TMEM132C: variants seen among roughly 807,000 people sequenced by gnomAD.
The protein encoded by TMEM132C is transmembrane protein 132C, also known as protein phosphatase 1, regulatory subunit 152.
A neutral mutation model predicts 61.4 loss-of-function variants in TMEM132C; 29 were observed. The ratio of observed to expected loss-of-function variants is 0.47; its 90% CI spans 0.35 to 0.64. TMEM132C has a LOEUF of 0.64. Ranked by LOEUF, TMEM132C falls within the 30% of genes least tolerant of loss-of-function variation. The pLI, the probability that TMEM132C is intolerant of heterozygous loss-of-function variation, is 0.00. For synonymous variants in TMEM132C, 656 were observed against 633.1 expected, an observed-to-expected ratio of 1.04 and a Z score of -0.54; for missense variants, 1,408 against 1,476.9, an observed-to-expected ratio of 0.95 and a Z score of 0.76.
chr12:128,467,788 C>T (rs188877182), intron 2 of TMEM132C, among the ~76,000 whole-genome samples: 11 of 152,318 alleles, frequency 7.2e-5, no homozygotes, highest in South Asian at 4.1e-4. Context: ...TCAGCATTCT[C>T]GTTCCCCATC....
chr12:128,327,630 A>T (rs1261676540), intron 1 of TMEM132C, among the ~76,000 whole-genome samples: 1 of 151,926 alleles, frequency 6.6e-6, no homozygotes, highest in Admixed American at 6.6e-5. Context: ...TGATCTGCCC[A>T]CCTCAGGCTC....
intron 3 of TMEM132C, among the ~76,000 whole-genome samples, chr12:128,587,744 G>C (rs1186025314): frequency 6.6e-6 from 1 of 152,144 alleles, no homozygotes. Flanking sequence ...ATTTTATATT[G>C]GCAAGGGAAT....
chr12:128,489,024 C>A (rs1429772389), intron 2 of TMEM132C, among the ~76,000 whole-genome samples: 1 of 152,148 alleles, frequency 6.6e-6, no homozygotes, highest in Non-Finnish European at 1.5e-5. Context: ...CAAGGCTGTT[C>A]CTCCTGGGGT....
intron 4 of TMEM132C, among the ~76,000 whole-genome samples, chr12:128,627,956 TAGGTGC>T (rs1276364016): frequency 5.9e-5 from 9 of 152,304 alleles, no homozygotes; most frequent in South Asian, 2.1e-4. Context: ...GATGTAGGTG[TAGGTGC>T]AGGTGCAGGT....
At chr12:128,351,331 G>T (rs1191126002) in intron 1 of TMEM132C, among the ~76,000 whole-genome samples, 1 of 152,074 alleles carries the variant, frequency 6.6e-6, no homozygotes, top group Non-Finnish European at 1.5e-5. Flanking sequence ...AGTCATCCAG[G>T]TAGAAGGTAA....
chr12:128,387,960 T>C (rs1448582685), intron 1 of TMEM132C, among the ~76,000 whole-genome samples: 1 of 152,220 alleles, frequency 6.6e-6, no homozygotes, highest in Non-Finnish European at 1.5e-5. Flanking sequence ...GGCCGTCACC[T>C]GTGCCCTTCC....
chr12:128,352,394 A>G (rs559124896), intron 1 of TMEM132C, among the ~76,000 whole-genome samples: 1 of 152,304 alleles, frequency 6.6e-6, no homozygotes, highest in Admixed American at 6.5e-5. Flanking sequence ...GGGAACCATG[A>G]CCATGATTCA....
intron 1 of TMEM132C, among the ~76,000 whole-genome samples, chr12:128,340,180 T>G (rs1309715766): frequency 6.6e-6 from 1 of 152,206 alleles, no homozygotes; most frequent in Non-Finnish European, 1.5e-5. Flanking sequence ...CCTTCAAAGC[T>G]TGGGAACATG....
chr12:128,541,690 C>T (rs140751389), intron 2 of TMEM132C, among the ~76,000 whole-genome samples: 25 of 152,270 alleles, frequency 1.6e-4, no homozygotes, highest in African/African-American at 6.0e-4. Flanking sequence ...AGGAGGGGGA[C>T]TAAAAGGCTG....
chr12:128,500,262 G>T (rs911993645), intron 2 of TMEM132C, among the ~76,000 whole-genome samples: 1 of 152,120 alleles, frequency 6.6e-6, no homozygotes, highest in Non-Finnish European at 1.5e-5. Flanking sequence ...ACAGATGGGT[G>T]TGTAAATTTT....
chr12:128,291,257 A>C (rs982956714), intron 1 of TMEM132C, among the ~76,000 whole-genome samples: 3 of 152,192 alleles, frequency 2.0e-5, no homozygotes, highest in Non-Finnish European at 4.4e-5. Context: ...CATGACACAA[A>C]TGAAGTCCTT....
intron 2 of TMEM132C, among the ~76,000 whole-genome samples, chr12:128,497,485 C>G (rs1185576541): frequency 2.0e-5 from 3 of 152,188 alleles, no homozygotes; most frequent in African/African-American, 7.2e-5. Context: ...CCACCAAGTT[C>G]GAGCTTCCCG....
chr12:128,325,679 G>A (rs186432884), intron 1 of TMEM132C, among the ~76,000 whole-genome samples: 6 of 152,154 alleles, frequency 3.9e-5, no homozygotes, highest in East Asian at 3.9e-4. Flanking sequence ...CTTTTACATC[G>A]CTTGGCCATG....
chr12:128,426,238 A>G (rs1869179494), intron 2 of TMEM132C, among the ~76,000 whole-genome samples: 3 of 152,228 alleles, frequency 2.0e-5, no homozygotes, highest in Admixed American at 2.0e-4. Flanking sequence ...GTCTGCATGC[A>G]TGCCGTTATA....
chr12:128,371,014 C>A (rs943825099), intron 1 of TMEM132C, among the ~76,000 whole-genome samples: 1 of 152,076 alleles, frequency 6.6e-6, no homozygotes, highest in Non-Finnish European at 1.5e-5. Flanking sequence ...GCAGGGCTTT[C>A]AATCCAGGTG....
At chr12:128,507,201 G>A (rs1020907344) in intron 2 of TMEM132C, among the ~76,000 whole-genome samples, 1 of 151,932 alleles carries the variant, frequency 6.6e-6, no homozygotes, top group Non-Finnish European at 1.5e-5. Flanking sequence ...CCCACACCCC[G>A]GGTGACCGCT....
At chr12:128,467,688 G>A (rs907614391) in intron 2 of TMEM132C, among the ~76,000 whole-genome samples, 9 of 152,234 alleles carry the variant, frequency 5.9e-5, no homozygotes, top group South Asian at 4.1e-4. Flanking sequence ...ATGGAGCATG[G>A]GGGAGGGAGC....
chr12:128,679,153 G>A (rs1954615111), intron 5 of TMEM132C, among the ~76,000 whole-genome samples: 1 of 152,196 alleles, frequency 6.6e-6, no homozygotes, highest in Admixed American at 6.5e-5. Context: ...AGGTAGCACT[G>A]GTAATGGGGG....
At chr12:128,676,665 C>T (rs1162826885) in intron 5 of TMEM132C, among the ~76,000 whole-genome samples, 1 of 152,146 alleles carries the variant, frequency 6.6e-6, no homozygotes, top group African/African-American at 2.4e-5. Context: ...AATCTACATA[C>T]ATACACATAC....
Sources: allele counts gnomAD v4.1 joint callset (sites outside exome capture counted in the v4.1 genomes callset), GRCh38; gene constraint gnomAD v4.1.1; transcripts MANE v1.5; gene names NCBI Gene and HGNC (gene_info 2026-07-23, HGNC 2026-07-21).